Variants in MACROD2 observed in about 807,000 individuals in gnomAD.
MACROD2 encodes the protein ADP-ribose glycohydrolase MACROD2.
In MACROD2, 36 loss-of-function variants were observed where a neutral mutation model predicts 70.4. The ratio of observed to expected loss-of-function variants is 0.51; its 90% CI spans 0.39 to 0.68. The LOEUF (loss-of-function observed/expected upper bound fraction) is 0.68. Among genes scored for constraint, MACROD2 ranks in the 30% least tolerant of loss-of-function variants. The pLI, the probability that MACROD2 is intolerant of heterozygous loss-of-function variation, is 0.00. For synonymous variants in MACROD2, 172 were observed against 178.8 expected (o/e 0.96, Z 0.30); for missense variants, 496 against 538.4 (o/e 0.92, Z 0.78).
At chr20:15,716,713 C>T (rs952818512) in intron 8 of MACROD2, among the ~76,000 whole-genome samples, 1 of 152,296 alleles carries the variant, frequency 6.6e-6, no homozygotes, top group East Asian at 1.9e-4. Context: ...AGAATAAAAA[C>T]TCACAGTGAA....
At chr20:15,081,654 G>A (rs1489409926) in intron 5 of MACROD2, among the ~76,000 whole-genome samples, 1 of 152,134 alleles carries the variant, frequency 6.6e-6, no homozygotes, top group Non-Finnish European at 1.5e-5. Flanking sequence ...CCCAAGGGAA[G>A]TTGACACGCT....
chr20:14,013,203 T>C (rs1047074663), intron 2 of MACROD2, among the ~76,000 whole-genome samples: 5 of 152,144 alleles, frequency 3.3e-5, no homozygotes, highest in Non-Finnish European at 7.3e-5. Context: ...AATATATTTA[T>C]TGAAAGAATC....
chr20:14,203,101 T>C (rs1049578778), intron 3 of MACROD2, among the ~76,000 whole-genome samples: 1 of 152,082 alleles, frequency 6.6e-6, no homozygotes, highest in African/African-American at 2.4e-5. Flanking sequence ...TTCTTTTTGT[T>C]GTGTGTGTGA....
intron 3 of MACROD2, among the ~76,000 whole-genome samples, chr20:14,194,057 G>A (rs569393108): frequency 6.6e-6 from 1 of 152,106 alleles, no homozygotes; most frequent in Admixed American, 6.6e-5. Flanking sequence ...TGAGCTCCAG[G>A]TCAGTCTACT....
At chr20:14,636,767 C>T (rs2123482591) in intron 4 of MACROD2, among the ~76,000 whole-genome samples, 4 of 152,016 alleles carry the variant, frequency 2.6e-5, no homozygotes. Flanking sequence ...ATTTTGAGCA[C>T]CTACTAATAT....
intron 6 of MACROD2, 148 bp from the exon 7 acceptor site, chr20:15,431,257 C>T (rs1290929416): frequency 3.5e-6 from 2 of 575,704 alleles, no homozygotes; most frequent in Non-Finnish European, 6.1e-6. Context: ...CAAATATCCC[C>T]ATTTCCAGTG....
intron 3 of MACROD2, among the ~76,000 whole-genome samples, chr20:14,272,761 A>G (rs1317776930): frequency 3.9e-5 from 6 of 152,218 alleles, no homozygotes; most frequent in Non-Finnish European, 7.3e-5. Flanking sequence ...TCTCACATGC[A>G]GAGACACACA....
intron 4 of MACROD2, among the ~76,000 whole-genome samples, chr20:14,670,332 T>C (rs1047079879): frequency 1.2e-4 from 19 of 152,192 alleles, no homozygotes; most frequent in Non-Finnish European, 2.1e-4. Context: ...GATGGAAATA[T>C]CCCTTCCTGG....
At chr20:14,421,846 T>C (rs1330135749) in intron 3 of MACROD2, among the ~76,000 whole-genome samples, 1 of 152,122 alleles carries the variant, frequency 6.6e-6, no homozygotes, top group African/African-American at 2.4e-5. Flanking sequence ...GAATGTTCTA[T>C]GTATGCTTGA....
At chr20:15,016,019 T>C (rs1205357408) in intron 5 of MACROD2, among the ~76,000 whole-genome samples, 2 of 152,222 alleles carry the variant, frequency 1.3e-5, no homozygotes, top group African/African-American at 4.8e-5. Context: ...TTCTCATTTT[T>C]CCACATAAGT....
At chr20:14,444,151 T>C (rs1253577523) in intron 3 of MACROD2, among the ~76,000 whole-genome samples, 1 of 152,080 alleles carries the variant, frequency 6.6e-6, no homozygotes, top group South Asian at 2.1e-4. Flanking sequence ...ATACAGTAAA[T>C]TAGAAGCATA....
chr20:14,888,024 C>T (rs2073703025), intron 5 of MACROD2: 1 of 152,076 alleles, frequency 6.6e-6, no homozygotes, highest in Non-Finnish European at 1.5e-5. Context: ...ATTTTGTTAC[C>T]TAAGTCAAAA....
chr20:15,108,816 C>G (rs897710351), intron 5 of MACROD2, among the ~76,000 whole-genome samples: 2 of 152,102 alleles, frequency 1.3e-5, no homozygotes, highest in Middle Eastern at 3.2e-3. Flanking sequence ...TTTTTCTGTC[C>G]TTCTCTGTGT....
intron 5 of MACROD2, among the ~76,000 whole-genome samples, chr20:14,801,527 G>GT (rs1028423847): frequency 2.6e-5 from 4 of 152,040 alleles, no homozygotes; most frequent in Non-Finnish European, 5.9e-5. Flanking sequence ...CACACCAGGA[G>GT]TTTTTTATAC....
At chr20:14,480,740 T>C (rs532955144) in intron 3 of MACROD2, among the ~76,000 whole-genome samples, 1 of 152,262 alleles carries the variant, frequency 6.6e-6, no homozygotes, top group Non-Finnish European at 1.5e-5. Flanking sequence ...AGGATGCAAA[T>C]TATAATTTGT....
chr20:14,819,538 A>T (rs2072815925), intron 5 of MACROD2, among the ~76,000 whole-genome samples: 1 of 152,032 alleles, frequency 6.6e-6, no homozygotes, highest in East Asian at 1.9e-4. Context: ...CCCCTCATAC[A>T]GCTTACCATC....
chr20:15,368,371 A>G lies in MACROD2; in HGVS notation c.541-63034A>G, dbSNP rs549148682. On this transcript the variant is annotated intron_variant, in intron 6 of 17. Transcript: ENST00000684519. ...CTGAGAAGTTCCTTAGGGGAGAGAA[A>G]AAACACTACAACACGACAAAAACCT... Among the ~76,000 whole-genome samples the G allele has an allele frequency of 2.6e-5, 4 of 152,262 alleles. No homozygotes were observed. In the East Asian group the frequency reaches 5.8e-4, roughly 22 times the overall value.
chr20:15,070,213 A>G (rs2123105079), intron 5 of MACROD2, among the ~76,000 whole-genome samples: 1 of 152,244 alleles, frequency 6.6e-6, no homozygotes, highest in East Asian at 1.9e-4. Flanking sequence ...CCCTGTAGTA[A>G]TGGGATTGTT....
At chr20:15,095,087 T>C (rs1390368775) in intron 5 of MACROD2, among the ~76,000 whole-genome samples, 5 of 113,248 alleles carry the variant, frequency 4.4e-5, no homozygotes, top group African/African-American at 1.9e-4. Flanking sequence ...TTTTTTTTTT[T>C]TTTTTTTTAG....
Sources: allele counts gnomAD v4.1 joint callset (sites outside exome capture counted in the v4.1 genomes callset), GRCh38; gene constraint gnomAD v4.1.1; transcripts MANE v1.5; gene names NCBI Gene and HGNC (gene_info 2026-07-23, HGNC 2026-07-21).